Variants in IGF2BP3 observed in about 807,000 individuals in gnomAD.
IGF2BP3 encodes insulin-like growth factor 2 mRNA-binding protein 3.
In IGF2BP3, 9 loss-of-function variants were observed where a neutral mutation model predicts 73.8. The ratio of observed to expected loss-of-function variants is 0.12; its 90% CI spans 0.07 to 0.21. The LOEUF is 0.21. IGF2BP3 is among the 10% of genes least tolerant of loss of function. The pLI, the probability that IGF2BP3 is intolerant of heterozygous loss-of-function variation, is 1.00. For missense variants in IGF2BP3, 542 were observed against 714.0 expected (o/e 0.76, Z 2.75); for synonymous variants, 258 against 256.7 (o/e 1.01, Z -0.05).
chr7:23,443,996 G>C (rs1361389512), intron 2 of IGF2BP3, among the ~76,000 whole-genome samples: 1 of 152,106 alleles, frequency 6.6e-6, no homozygotes, highest in East Asian at 1.9e-4. Context: ...GAAACAGAGG[G>C]AGACTTCGTC....
At chr7:23,466,891 C>T (rs1235438177) in intron 2 of IGF2BP3, among the ~76,000 whole-genome samples, 1 of 152,178 alleles carries the variant, frequency 6.6e-6, no homozygotes, top group Non-Finnish European at 1.5e-5. Flanking sequence ...GTCCTTGAGG[C>T]ACAACCATTT....
intron 2 of IGF2BP3, among the ~76,000 whole-genome samples, chr7:23,454,089 C>T (rs759542950): frequency 1.3e-5 from 2 of 152,132 alleles, no homozygotes; most frequent in Admixed American, 1.3e-4. Context: ...GCTGGGATTA[C>T]AGGCATGAAC....
intron 6 of IGF2BP3, among the ~76,000 whole-genome samples, chr7:23,349,334 T>TCA (rs1303856392): frequency 3.9e-5 from 6 of 152,154 alleles, no homozygotes; most frequent in Non-Finnish European, 5.9e-5. Flanking sequence ...TCTGAAGATT[T>TCA]ACCTCAAGAG....
In IGF2BP3 at chr7:23,443,421, G is replaced by A. The variant is rs535193784; in HGVS notation, c.237-24597C>T. 2.0e-5 allele frequency among the ~76,000 whole-genome samples: 3 copies of A among 152,154 alleles called. No individual in the cohort carries two copies. In the East Asian group the frequency reaches 5.8e-4, roughly 30 times the overall value. On this transcript the variant is annotated intron_variant, in intron 2 of 14. Coordinates refer to ENST00000258729, the MANE Select transcript of IGF2BP3 (RefSeq NM_006547.3). Reference sequence around the variant, plus strand: ...ATTACAGGCATGAGCCACCGCGACTGGCCTATTTTTGTATATTTTAGTAGA... The same window carrying A: ...ATTACAGGCATGAGCCACCGCGACTAGCCTATTTTTGTATATTTTAGTAGA...
At chr7:23,455,200 A>G (rs1343424288) in intron 2 of IGF2BP3, among the ~76,000 whole-genome samples, 6 of 152,226 alleles carry the variant, frequency 3.9e-5, no homozygotes, top group Admixed American at 6.5e-5. Flanking sequence ...ATGAAGAATG[A>G]GAATAATGCA....
chr7:23,319,380 C>T lies in IGF2BP3; in HGVS notation c.1204-126G>A, dbSNP rs1286941979. On this transcript the variant is annotated intron_variant, in intron 10 of 14. Coordinates refer to ENST00000258729, the MANE Select transcript of IGF2BP3 (RefSeq NM_006547.3). ...ACCAGGAAAGTTTAAGGAAAAGCTA[C>T]CATAAGAAGTTGACCAGACCTTACC... 11 of 656,608 alleles carry T rather than the reference C, an allele frequency of 1.7e-5. No individual in the cohort carries two copies. The East Asian group carries it at 2.9e-4, about 17-fold the overall frequency. 40.7% of individuals were successfully genotyped at this position (656,608 alleles called of 1,614,324 possible).
intron 3 of IGF2BP3, among the ~76,000 whole-genome samples, chr7:23,400,744 G>A (rs890996693): frequency 6.6e-6 from 1 of 152,220 alleles, no homozygotes; most frequent in African/African-American, 2.4e-5. Flanking sequence ...GCATCGCAGT[G>A]TAATGACTGT....
intron 2 of IGF2BP3, among the ~76,000 whole-genome samples, chr7:23,447,535 GAA>G (rs2128547223): frequency 6.6e-6 from 1 of 151,862 alleles, no homozygotes; most frequent in Admixed American, 6.6e-5. Flanking sequence ...TGAGGAATGA[GAA>G]TTGCTTGAAC....
intron 2 of IGF2BP3, among the ~76,000 whole-genome samples, chr7:23,455,605 A>G (rs1788297356): frequency 6.6e-6 from 1 of 152,244 alleles, no homozygotes; most frequent in Admixed American, 6.5e-5. Flanking sequence ...TTACTGTTGA[A>G]AAATAAAAAG....
intron 2 of IGF2BP3, among the ~76,000 whole-genome samples, chr7:23,427,409 A>T (rs1378963246): frequency 1.3e-5 from 2 of 152,034 alleles, no homozygotes; most frequent in Non-Finnish European, 2.9e-5. Context: ...ATCATCTCCA[A>T]AATAAACCAA....
At chr7:23,424,971 C>T (rs978123718) in intron 2 of IGF2BP3, among the ~76,000 whole-genome samples, 2 of 152,146 alleles carry the variant, frequency 1.3e-5, no homozygotes, top group African/African-American at 4.8e-5. Context: ...TGTACCAAGT[C>T]CCCCTTACGT....
intron 3 of IGF2BP3, among the ~76,000 whole-genome samples, chr7:23,411,885 A>G (rs1375577537): frequency 2.0e-5 from 3 of 150,956 alleles, no homozygotes; most frequent in African/African-American, 7.3e-5. Context: ...GCTATTTTAT[A>G]TTAACTATGG....
chr7:23,396,856 A>C (rs1475088290), intron 3 of IGF2BP3, among the ~76,000 whole-genome samples: 1 of 152,212 alleles, frequency 6.6e-6, no homozygotes, highest in African/African-American at 2.4e-5. Context: ...CCTCCAAAAA[A>C]AGTTAATTCA....
chr7:23,394,968 T>C (rs1007831860), intron 3 of IGF2BP3, among the ~76,000 whole-genome samples: 5 of 152,320 alleles, frequency 3.3e-5, no homozygotes, highest in African/African-American at 4.8e-5. Flanking sequence ...ATGCTCAGAA[T>C]TGATGGGCAT....
At chr7:23,345,217 C>A in intron 8 of IGF2BP3, among the ~76,000 whole-genome samples, 1 of 152,204 alleles carries the variant, frequency 6.6e-6, no homozygotes, top group East Asian at 1.9e-4. Context: ...TCAGAAAAAC[C>A]TTTCCACGTA....
intron 10 of IGF2BP3, among the ~76,000 whole-genome samples, chr7:23,325,450 A>G (rs1784267250): frequency 6.6e-6 from 1 of 152,228 alleles, no homozygotes; most frequent in Admixed American, 6.5e-5. Context: ...AGAACATTCC[A>G]TGCTCATGGG....
intron 10 of IGF2BP3, among the ~76,000 whole-genome samples, chr7:23,320,947 CAAAAAAAAAAAAA>C (rs70966008): frequency 1.0e-5 from 1 of 96,538 alleles, no homozygotes; most frequent in Non-Finnish European, 2.0e-5. Flanking sequence ...AACTCTGTCT[CAAAAAAAAAAAAA>C]AAAAAAAAAG....
intron 3 of IGF2BP3, among the ~76,000 whole-genome samples, chr7:23,408,102 C>G (rs1278545970): frequency 2.0e-5 from 3 of 152,094 alleles, no homozygotes; most frequent in African/African-American, 7.2e-5. Flanking sequence ...AAGGCAATGT[C>G]TTCAACCTGA....
At chr7:23,315,781 G>A (rs552050357) in intron 12 of IGF2BP3, among the ~76,000 whole-genome samples, 9 of 152,242 alleles carry the variant, frequency 5.9e-5, no homozygotes, top group African/African-American at 9.6e-5. Flanking sequence ...GGAAAAATAC[G>A]GGGTAGGTGG....
Sources: allele counts gnomAD v4.1 joint callset (sites outside exome capture counted in the v4.1 genomes callset), GRCh38; gene constraint gnomAD v4.1.1; transcripts MANE v1.5; gene names NCBI Gene and HGNC (gene_info 2026-07-23, HGNC 2026-07-21).